Variants in ZNF560 observed in about 807,000 individuals in gnomAD.
ZNF560 encodes zinc finger protein 560.
A neutral mutation model predicts 81.8 loss-of-function variants in ZNF560; 54 were observed. The observed-to-expected ratio is 0.66, with a 90% CI of 0.53 to 0.83. The LOEUF (loss-of-function observed/expected upper bound fraction) is 0.83, where lower values mean the gene tolerates loss of function less well. ZNF560 is among the 40% of genes least tolerant of loss of function. ZNF560 has a pLI of 0.00. For synonymous variants in ZNF560, 321 were observed against 317.9 expected (o/e 1.01, Z -0.10); for missense variants, 940 against 932.4 (o/e 1.01, Z -0.11).
At chr19:9,504,202 G>A in the ZNF560 span, among the ~76,000 whole-genome samples, 1 of 152,134 alleles carries the variant, frequency 6.6e-6, no homozygotes, top group East Asian at 1.9e-4. Flanking sequence ...GGGAGGCCAA[G>A]AGTGGATGGA....
Position 9,473,214 on chromosome 19 carries a change from T to G in ZNF560, c.203A>C (p.Glu68Ala). 1 of 1,613,510 alleles carries G rather than the reference T, an allele frequency of 6.2e-7. No homozygotes were observed. The highest frequency in any genetic ancestry group is 8.5e-7 in the Non-Finnish European group (1 of 1,179,754). Residue 68 changes from glutamate to alanine, a missense_variant, in exon 5 of 10, where the codon GAA becomes GCA. Glu to Ala is a moderately radical substitution (Grantham distance 107, BLOSUM62 -1). Coordinates refer to ENST00000301480, the MANE Select transcript of ZNF560 (RefSeq NM_152476.3). ...KPSVISWLEEEELRTLQQGVL... is the reference protein window; with the variant it reads ...KPSVISWLEEAELRTLQQGVL... ...TCCTTGCTGCAAGGTTCTCAACTCTTCTTCTTCCAACCAAGAGATGACACT... is the reference window on the plus strand; with the variant it reads ...TCCTTGCTGCAAGGTTCTCAACTCTGCTTCTTCCAACCAAGAGATGACACT...
intron 2 of ZNF560, among the ~76,000 whole-genome samples, chr19:9,495,533 G>A (rs569270002): frequency 3.3e-5 from 5 of 152,026 alleles, no homozygotes; most frequent in South Asian, 2.1e-4. Flanking sequence ...TGATGATACC[G>A]CATCTCTACA....
intron 2 of ZNF560, among the ~76,000 whole-genome samples, chr19:9,486,602 T>C (rs1025493190): frequency 2.6e-5 from 4 of 151,780 alleles, no homozygotes; most frequent in Non-Finnish European, 5.9e-5. Context: ...GAGCCAAGCG[T>C]GGTGGCAGGT....
chr19:9,453,100 G>T, the ZNF560 span, among the ~76,000 whole-genome samples: 1 of 152,096 alleles, frequency 6.6e-6, no homozygotes, highest in East Asian at 1.9e-4. Flanking sequence ...ATGATGATGG[G>T]GCTCTCATGA....
At chr19:9,469,740 A>C (rs1372323354) in intron 7 of ZNF560, 30 bp from the exon 8 acceptor site, 2 of 1,603,270 alleles carry the variant, frequency 1.2e-6, no homozygotes, top group Non-Finnish European at 1.7e-6. Flanking sequence ...CACCAATGGA[A>C]GAGGCTCATG....
intron 8 of ZNF560, 76 bp downstream of exon 8, chr19:9,469,554 C>T (rs1392527784): frequency 2.2e-5 from 30 of 1,349,296 alleles, no homozygotes; most frequent in Non-Finnish European, 3.0e-5. Context: ...CAAAGGGCAT[C>T]TTATAAAACT....
chr19:9,451,313 A>T, the ZNF560 span, among the ~76,000 whole-genome samples: 1 of 152,160 alleles, frequency 6.6e-6, no homozygotes, highest in Admixed American at 6.5e-5. Context: ...AAAATAAAAG[A>T]AGCCACATAC....
intron 9 of ZNF560, among the ~76,000 whole-genome samples, 160 bp downstream of exon 9, chr19:9,468,945 G>A (rs944224759): frequency 2.6e-5 from 4 of 151,948 alleles, no homozygotes; most frequent in African/African-American, 4.8e-5. Flanking sequence ...GGCCAGGCTG[G>A]TCTCGAACTC....
At chr19:9,471,452 AG>A in intron 5 of ZNF560, 74 bp from the exon 6 acceptor site, 1 of 955,838 alleles carries the variant, frequency 1.0e-6, no homozygotes, top group South Asian at 2.0e-5. Flanking sequence ...TAAAAATTAT[AG>A]GCCTCATTCA....
the ZNF560 span, among the ~76,000 whole-genome samples, chr19:9,457,420 A>C: frequency 6.6e-6 from 1 of 152,188 alleles, no homozygotes; most frequent in African/African-American, 2.4e-5. Flanking sequence ...TAAGCGTTTT[A>C]ATTGGAAAGT....
rs764339511 is a variant in ZNF560 at position 9,467,341 on chromosome 19, G to A, written c.1606C>T (p.Arg536Ter). 4.0e-5 allele frequency: 65 copies of A among 1,613,968 alleles called. No homozygotes were observed. The highest frequency in any genetic ancestry group is 5.3e-5 in the Non-Finnish European group (63 of 1,180,028). The change falls in exon 10 of 10, where the codon CGA (arginine) becomes TGA (stop). Residue 536 changes from arginine to a stop codon, truncating the protein, a stop_gained. Coordinates refer to ENST00000301480, the MANE Select transcript of ZNF560 (RefSeq NM_152476.3). LOFTEE classifies it high-confidence loss of function. Reference protein sequence around the residue: ...TSSACLRIHMRTHTEERLYQC... With the variant: ...TSSACLRIHM ...TAGAGTCTCTCTTCTGTGTGAGTTC[G>A]CATGTGAATACGAAGACAGGCAGAA...
intron 2 of ZNF560, among the ~76,000 whole-genome samples, chr19:9,496,236 T>A (rs2073555537): frequency 6.6e-6 from 1 of 151,908 alleles, no homozygotes; most frequent in African/African-American, 2.4e-5. Flanking sequence ...ATCCCAACAT[T>A]TTCTGAGATT....
chr19:9,492,088 T>C (rs1218442841), intron 2 of ZNF560, among the ~76,000 whole-genome samples: 2 of 151,974 alleles, frequency 1.3e-5, no homozygotes, highest in East Asian at 1.9e-4. Flanking sequence ...TCAAGCAATC[T>C]TTCTGCCTCA....
chr19:9,488,140 G>A (rs1004426286), intron 2 of ZNF560, among the ~76,000 whole-genome samples: 5 of 152,104 alleles, frequency 3.3e-5, no homozygotes, highest in Admixed American at 2.6e-4. Context: ...TCCCACAGGA[G>A]CTAACTGTTA....
intron 2 of ZNF560, among the ~76,000 whole-genome samples, chr19:9,479,872 G>A (rs554430377): frequency 1.3e-5 from 2 of 152,034 alleles, no homozygotes; most frequent in African/African-American, 2.4e-5. Context: ...ATCCACAGGT[G>A]GGGGAGGGGT....
chr19:9,455,149 AC>A, the ZNF560 span, among the ~76,000 whole-genome samples: 1 of 152,036 alleles, frequency 6.6e-6, no homozygotes, highest in Non-Finnish European at 1.5e-5. Context: ...GTTAGGATAC[AC>A]CCCCCAGATC....
chr19:9,460,017 G>A, the ZNF560 span, among the ~76,000 whole-genome samples: 1 of 152,082 alleles, frequency 6.6e-6, no homozygotes, highest in East Asian at 1.9e-4. Flanking sequence ...TTGGTGGAAA[G>A]ACCCGATAAC....
At chr19:9,497,493 C>G (rs1025262977) in intron 2 of ZNF560, among the ~76,000 whole-genome samples, 1 of 149,514 alleles carries the variant, frequency 6.7e-6, no homozygotes, top group African/African-American at 2.5e-5. Flanking sequence ...CGAGATCGCG[C>G]CACTGCACTC....
At chr19:9,470,919 G>A (rs1299899020) in intron 6 of ZNF560, among the ~76,000 whole-genome samples, 3 of 152,112 alleles carry the variant, frequency 2.0e-5, no homozygotes, top group Non-Finnish European at 4.4e-5. Context: ...GTTGGCACCA[G>A]GAAAATGAAC....
Sources: allele counts gnomAD v4.1 joint callset (sites outside exome capture counted in the v4.1 genomes callset), GRCh38; gene constraint gnomAD v4.1.1; transcripts MANE v1.5; gene names NCBI Gene and HGNC (gene_info 2026-07-23, HGNC 2026-07-21).